Variants in SLC6A11 observed in about 807,000 individuals in gnomAD.
The protein encoded by SLC6A11 is sodium- and chloride-dependent GABA transporter 3.
In SLC6A11, 25 loss-of-function variants were observed where a neutral mutation model predicts 74.8. The ratio of observed to expected loss-of-function variants is 0.33; its 90% CI spans 0.24 to 0.47. The LOEUF (loss-of-function observed/expected upper bound fraction) is 0.47, where lower values mean the gene tolerates loss of function less well. Among genes scored for constraint, SLC6A11 ranks in the 20% least tolerant of loss-of-function variants. The probability of loss-of-function intolerance (pLI) is 1.00; values close to 1 mark genes in which losing one functional copy is unlikely to be tolerated. For missense variants in SLC6A11, 574 were observed against 837.0 expected, an observed-to-expected ratio of 0.69 and a Z score of 3.88; for synonymous variants, 330 against 330.2, an observed-to-expected ratio of 1.00 and a Z score of 0.01.
intron 13 of SLC6A11, 36 bp from the exon 14 acceptor site, chr3:10,938,214 A>G: frequency 6.4e-7 from 1 of 1,552,224 alleles, no homozygotes. Context: ...CTGGCAGCTA[A>G]TCACTCAGAT....
chr3:10,897,892 TTCTGTCTGGACATCCA>T (rs2106618586), intron 6 of SLC6A11, among the ~76,000 whole-genome samples: 1 of 152,338 alleles, frequency 6.6e-6, no homozygotes, highest in South Asian at 2.1e-4. Flanking sequence ...TGTAGCAAAC[TTCTGTCTGGACATCCA>T]GGCATTTCCA....
rs1464534298 is a variant in SLC6A11 at position 10,939,031 on chromosome 3, A to C, written c.*629A>C. The C allele has an allele frequency of 6.6e-6, 1 of 152,254 alleles. No individual in the cohort carries two copies. Among genetic ancestry groups the C allele is most frequent in the Non-Finnish European group, 1.5e-5 (1 of 68,112 alleles). The allele number at this position is 152,254 out of a possible 1,614,324, so 9.4% of individuals were successfully genotyped here. A position where few individuals can be genotyped will look rare whatever the true frequency, so the allele number is the denominator to read the frequency against. On this transcript the variant is annotated 3_prime_UTR_variant, in exon 14 of 14. Transcript: ENST00000254488. ...CTGGGCCTCAGTTTCCCCATCTCCC[A>C]AATGGGAGGAGGAGCCGGATTGGGT...
chr3:10,873,689 C>CGTCCT (rs1237191176), intron 5 of SLC6A11, among the ~76,000 whole-genome samples: 74 of 134,614 alleles, frequency 5.5e-4, no homozygotes, highest in Non-Finnish European at 8.3e-4. Context: ...TATCCCGTCC[C>CGTCCT]ATCCTATCCT....
rs1278983046 is a variant in SLC6A11 at position 10,927,085 on chromosome 3, A to G, written c.1233+969A>G. 3.3e-5 allele frequency among the ~76,000 whole-genome samples: 5 copies of G among 152,196 alleles called. No individual in the cohort carries two copies. In the East Asian group the frequency reaches 9.6e-4, roughly 29 times the overall value. On this transcript the variant is annotated intron_variant, in intron 9 of 13. Coordinates refer to ENST00000254488, the MANE Select transcript of SLC6A11 (RefSeq NM_014229.3). ...CTGCCAGTTGAGTCACTTGGCACCC[A>G]AGCCCCACAGCCAGTATATCTGTCA...
intron 5 of SLC6A11, among the ~76,000 whole-genome samples, chr3:10,870,490 C>T (rs1030736964): frequency 6.6e-6 from 1 of 152,202 alleles, no homozygotes; most frequent in East Asian, 1.9e-4. Context: ...TTAGTGATGT[C>T]TGGCAAGGCA....
At chr3:10,840,411 G>A (rs1694422680) in intron 4 of SLC6A11, among the ~76,000 whole-genome samples, 2 of 152,152 alleles carry the variant, frequency 1.3e-5, no homozygotes, top group South Asian at 4.1e-4. Flanking sequence ...ATGCCTGGGA[G>A]CTTCCCCCAC....
At chr3:10,936,991 G>A (rs909012611) in intron 13 of SLC6A11, among the ~76,000 whole-genome samples, 2 of 152,122 alleles carry the variant, frequency 1.3e-5, no homozygotes, top group Non-Finnish European at 2.9e-5. Flanking sequence ...CCTCCTTACC[G>A]AGAGTCCTTG....
At position 10,843,859 on chromosome 3, in the gene SLC6A11, T is replaced by G. The variant is rs534058814; in HGVS notation, c.624-355T>G. ...CCCCCTCAAGTTTGGCAGGGCAGGA[T>G]GTATGGGCTCCCTTCAGGGAGGAAC... On this transcript the variant is annotated intron_variant, in intron 4 of 13. Coordinates refer to ENST00000254488, the MANE Select transcript of SLC6A11 (RefSeq NM_014229.3). Among the ~76,000 whole-genome samples, 18 of 152,300 alleles carry G rather than the reference T, an allele frequency of 1.2e-4. No homozygotes were observed. The East Asian group carries it at 3.5e-3, about 29-fold the overall frequency.
intron 7 of SLC6A11, among the ~76,000 whole-genome samples, chr3:10,914,329 G>T (rs938156999): frequency 6.6e-6 from 1 of 152,136 alleles, no homozygotes; most frequent in East Asian, 1.9e-4. Context: ...TAGCTTAGCG[G>T]TCACATTATG....
intron 10 of SLC6A11, among the ~76,000 whole-genome samples, chr3:10,930,768 C>T (rs1451774527): frequency 1.3e-5 from 2 of 152,076 alleles, no homozygotes; most frequent in African/African-American, 4.8e-5. Context: ...CCCAGGTGCC[C>T]CCAGCTCACC....
intron 4 of SLC6A11, among the ~76,000 whole-genome samples, chr3:10,832,010 C>T (rs1271730098): frequency 1.3e-5 from 2 of 152,148 alleles, no homozygotes; most frequent in African/African-American, 2.4e-5. Flanking sequence ...AAGCTTCCAC[C>T]TTGTTAATCT....
chr3:10,840,100 C>G (rs898536330), intron 4 of SLC6A11, among the ~76,000 whole-genome samples: 17 of 152,212 alleles, frequency 1.1e-4, no homozygotes, highest in African/African-American at 4.1e-4. Flanking sequence ...CCACTGTTGA[C>G]CACTTCCCTA....
At chr3:10,934,011 C>G in intron 11 of SLC6A11, 55 bp from the exon 12 acceptor site, 1 of 1,186,748 alleles carries the variant, frequency 8.4e-7, no homozygotes, top group Admixed American at 1.7e-5. Flanking sequence ...TCCTCTGACT[C>G]ATGTACAAAA....
intron 13 of SLC6A11, among the ~76,000 whole-genome samples, chr3:10,935,803 ACACAATTTTTAGTAATGTTC>A (rs1157257724): frequency 6.6e-6 from 1 of 152,218 alleles, no homozygotes; most frequent in Admixed American, 6.5e-5. Context: ...CCATACAGTT[ACACAATTTTTAGTAATGTTC>A]CACATTGTGC....
chr3:10,890,451 A>C (rs1161249657), intron 6 of SLC6A11, among the ~76,000 whole-genome samples: 1 of 152,252 alleles, frequency 6.6e-6, no homozygotes, highest in Non-Finnish European at 1.5e-5. Context: ...ATAGCTGTAC[A>C]TGCAGCACCA....
At chr3:10,886,251 C>T (rs1038824015) in intron 6 of SLC6A11, among the ~76,000 whole-genome samples, 3 of 152,158 alleles carry the variant, frequency 2.0e-5, no homozygotes, top group Non-Finnish European at 4.4e-5. Context: ...AAGCAGAGAT[C>T]GACTCCCTTG....
intron 6 of SLC6A11, among the ~76,000 whole-genome samples, chr3:10,906,537 G>A (rs573297847): frequency 1.6e-4 from 25 of 152,222 alleles, no homozygotes; most frequent in Admixed American, 2.6e-4. Context: ...CTCTTTGGGG[G>A]TAGAAGCTTA....
In SLC6A11 at chr3:10,904,970, C is replaced by G. The variant is rs148777889; in HGVS notation, c.892-7120C>G. 1.6e-3 allele frequency among the ~76,000 whole-genome samples: 248 copies of G among 152,330 alleles called. 2 individuals carry two copies. Among genetic ancestry groups the G allele is most frequent in the African/African-American group, 5.7e-3 (236 of 41,558 alleles). ...GCCTGTAGTACGCACTAGGTTTCAG[C>G]AAACATTAACTCAAGGTTTTCACTT... On this transcript the variant is annotated intron_variant, in intron 6 of 13. Transcript: ENST00000254488.
At chr3:10,933,073 C>T in intron 10 of SLC6A11, 78 bp from the exon 11 acceptor site, 7 of 979,354 alleles carry the variant, frequency 7.1e-6, no homozygotes, top group South Asian at 5.4e-5. Flanking sequence ...GAGGGACCTT[C>T]CTGAGGCCAG....
Sources: allele counts gnomAD v4.1 joint callset (sites outside exome capture counted in the v4.1 genomes callset), GRCh38; gene constraint gnomAD v4.1.1; transcripts MANE v1.5; gene names NCBI Gene and HGNC (gene_info 2026-07-23, HGNC 2026-07-21).